The following ARHGEF38 variants were observed in gnomAD, a reference collection of about 807,000 sequenced individuals.
The protein encoded by ARHGEF38 is Rho guanine nucleotide exchange factor (GEF) 38.
ARHGEF38 carries 79 observed loss-of-function variants against 79.9 expected under a neutral mutation model. That is an observed-to-expected ratio of 0.99 (90% confidence interval 0.82 to 1.19). ARHGEF38 has a LOEUF of 1.19. Ranked by LOEUF, ARHGEF38 falls within the 50% of genes most tolerant of loss-of-function variation. The pLI is 0.00. For missense variants in ARHGEF38, 962 were observed against 907.2 expected, an observed-to-expected ratio of 1.06 and a Z score of -0.78; for synonymous variants, 366 against 328.3, an observed-to-expected ratio of 1.11 and a Z score of -1.24.
chr4:105,666,144 C>T, intron 10 of ARHGEF38, 33 bp from the exon 11 acceptor site: 5 of 1,491,654 alleles, frequency 3.4e-6, no homozygotes, highest in Non-Finnish European at 4.4e-6. Flanking sequence ...ATCTAGGTGT[C>T]TGGAAACAAT....
At chr4:105,556,975 A>G (rs567959463) in intron 1 of ARHGEF38, among the ~76,000 whole-genome samples, 6 of 152,302 alleles carry the variant, frequency 3.9e-5, no homozygotes, top group African/African-American at 1.4e-4. Context: ...CACAACAACC[A>G]TATTTCAAAA....
chr4:105,648,806 G>A (rs1299655010), intron 7 of ARHGEF38, 124 bp downstream of exon 7: 13 of 878,918 alleles, frequency 1.5e-5, no homozygotes, highest in East Asian at 6.1e-5. Context: ...GCCCTATGCT[G>A]TTCTCTTGTC....
intron 8 of ARHGEF38, 108 bp from the exon 9 acceptor site, chr4:105,655,495 C>T (rs1333470631): frequency 2.7e-6 from 3 of 1,125,926 alleles, no homozygotes; most frequent in Middle Eastern, 2.0e-4. Flanking sequence ...TTTTAAATAA[C>T]CTCTCAGTGA....
rs1410141357 is a variant in ARHGEF38 at position 105,679,879 on chromosome 4, C to G, written c.*1942C>G. Reference sequence around the variant, plus strand: ...TCACCAGGTCAACTACAGGAATGTCCAAACCACGAGGAGCCACATTGGTTG... The same window carrying G: ...TCACCAGGTCAACTACAGGAATGTCGAAACCACGAGGAGCCACATTGGTTG... On this transcript the variant is annotated 3_prime_UTR_variant, in exon 14 of 14. Transcript: ENST00000420470. 24 of 1,431,762 alleles carry G rather than the reference C, an allele frequency of 1.7e-5. No individual in the cohort carries two copies. The highest frequency in any genetic ancestry group is 4.5e-4 in the Middle Eastern group (2 of 4,418). 88.7% of individuals were successfully genotyped at this position (1,431,762 alleles called of 1,614,324 possible).
intron 2 of ARHGEF38, among the ~76,000 whole-genome samples, chr4:105,600,169 C>T (rs1022071672): frequency 2.0e-5 from 3 of 152,164 alleles, no homozygotes; most frequent in Non-Finnish European, 4.4e-5. Context: ...ATGTCACAGT[C>T]TTGCCCTAGT....
intron 10 of ARHGEF38, among the ~76,000 whole-genome samples, chr4:105,664,447 A>G (rs1730677507): frequency 6.6e-6 from 1 of 152,220 alleles, no homozygotes; most frequent in Non-Finnish European, 1.5e-5. Context: ...GGTATAATAC[A>G]TTCCACTACG....
chr4:105,602,024 C>T (rs367757775), intron 2 of ARHGEF38, among the ~76,000 whole-genome samples: 1 of 152,030 alleles, frequency 6.6e-6, no homozygotes, highest in African/African-American at 2.4e-5. Flanking sequence ...GCAATAAATA[C>T]TTATGGATTG....
chr4:105,622,243 G>A (rs1728765531), intron 3 of ARHGEF38, among the ~76,000 whole-genome samples: 1 of 152,178 alleles, frequency 6.6e-6, no homozygotes, highest in Admixed American at 6.5e-5. Context: ...GCCAGGAGGA[G>A]TATTGGAGAG....
intron 13 of ARHGEF38, among the ~76,000 whole-genome samples, chr4:105,676,344 C>T (rs1162166471): frequency 1.3e-5 from 2 of 152,172 alleles, no homozygotes; most frequent in Non-Finnish European, 2.9e-5. Flanking sequence ...TTTCAAAATT[C>T]AGCTCACCAT....
At chr4:105,616,660 GT>G (rs1352249604) in intron 3 of ARHGEF38, among the ~76,000 whole-genome samples, 1 of 152,036 alleles carries the variant, frequency 6.6e-6, no homozygotes, top group African/African-American at 2.4e-5. Context: ...CCATATCAAT[GT>G]TTTAGAAAAA....
At chr4:105,561,455 GAATAGAATAGAATAGAATAGAATA>G (rs1725571770) in intron 1 of ARHGEF38, 140 of 63,968 alleles carry the variant, frequency 2.2e-3, no homozygotes, top group South Asian at 8.1e-3. Context: ...GAATGGAATA[GAATAGAATAGAATAGAATAGAATA>G]GAATAGAATA....
Position 105,677,925 on chromosome 4 carries a change from G to T in ARHGEF38, c.2322G>T (p.Met774Ile). 2 of 1,512,622 alleles carry T rather than the reference G, an allele frequency of 1.3e-6. No homozygotes were observed. The highest frequency in any genetic ancestry group is 1.2e-5 in the South Asian group (1 of 81,482). 93.7% of individuals were successfully genotyped at this position (1,512,622 alleles called of 1,614,324 possible). A position where few individuals can be genotyped will look rare whatever the true frequency, so the allele number is the denominator to read the frequency against. ...GYVPANYLGK[M>I]TYA ...TGCCAGCTAACTACCTTGGAAAGAT[G>T]ACTTATGCTTAAGAAAATAAGCCTT... The change falls in exon 14 of 14, where the codon ATG (methionine) becomes ATT (isoleucine). Residue 774 changes from methionine (M) to isoleucine (I), a missense_variant. Met to Ile is a conservative substitution (Grantham distance 10, BLOSUM62 1). Coordinates refer to ENST00000420470, the MANE Select transcript of ARHGEF38 (RefSeq NM_001242729.2).
At chr4:105,653,128 G>A (rs752596369) in intron 7 of ARHGEF38, among the ~76,000 whole-genome samples, 2 of 152,054 alleles carry the variant, frequency 1.3e-5, no homozygotes, top group Admixed American at 1.3e-4. Context: ...AGCAATAAAT[G>A]TGTGCTCCTA....
intron 1 of ARHGEF38, among the ~76,000 whole-genome samples, chr4:105,568,958 T>A (rs117907814): frequency 1.3e-5 from 2 of 152,232 alleles, no homozygotes; most frequent in Non-Finnish European, 2.9e-5. Context: ...AATTATTCAC[T>A]ACAACTATTC....
intron 13 of ARHGEF38, among the ~76,000 whole-genome samples, chr4:105,671,627 A>G (rs1293983249): frequency 2.0e-5 from 3 of 152,232 alleles, no homozygotes; most frequent in Non-Finnish European, 4.4e-5. Context: ...ATGTGATAGT[A>G]TAAGTCAATA....
intron 3 of ARHGEF38, among the ~76,000 whole-genome samples, chr4:105,620,089 T>G (rs1477143650): frequency 6.6e-6 from 1 of 152,188 alleles, no homozygotes; most frequent in African/African-American, 2.4e-5. Context: ...CTTGCAGATC[T>G]GAGAGCTCTG....
chr4:105,680,373 A>C lies in ARHGEF38; in HGVS notation c.*2436A>C. On this transcript the variant is annotated 3_prime_UTR_variant, in exon 14 of 14. Transcript: ENST00000420470. Reference sequence around the variant, plus strand: ...TATCTGTCCATTCATTCATTGAACCAGTAAGTATTTATTGAGAGTTAGTGG... The same window carrying C: ...TATCTGTCCATTCATTCATTGAACCCGTAAGTATTTATTGAGAGTTAGTGG... 4.2e-6 allele frequency: 1 copy of C among 237,466 alleles called. No individual in the cohort carries two copies. The highest frequency in any genetic ancestry group is 8.4e-6 in the Non-Finnish European group (1 of 119,760). 14.7% of individuals were successfully genotyped at this position (237,466 alleles called of 1,614,324 possible). A position where few individuals can be genotyped will look rare whatever the true frequency, so the allele number is the denominator to read the frequency against.
At chr4:105,637,450 G>A (rs899263498) in intron 5 of ARHGEF38, among the ~76,000 whole-genome samples, 2 of 151,830 alleles carry the variant, frequency 1.3e-5, no homozygotes, top group African/African-American at 4.8e-5. Context: ...AAAACTATCC[G>A]ACAGTATAAA....
intron 2 of ARHGEF38, among the ~76,000 whole-genome samples, chr4:105,594,602 A>G (rs1727493750): frequency 6.6e-6 from 1 of 152,226 alleles, no homozygotes; most frequent in Non-Finnish European, 1.5e-5. Context: ...TGAAAATTGG[A>G]TGAAGGAAGT....
Sources: gnomAD v4.1 joint callset for allele counts (sites outside exome capture counted in the v4.1 genomes callset) on GRCh38, gnomAD v4.1.1 for gene constraint, MANE v1.5 for transcripts, NCBI Gene and HGNC (gene_info 2026-07-23, HGNC 2026-07-21) for gene names.